The following GNA13 variants were observed in gnomAD, a reference collection of about 807,000 sequenced individuals.
The protein encoded by GNA13 is guanine nucleotide-binding protein subunit alpha-13.
In GNA13, 4 loss-of-function variants were observed where a neutral mutation model predicts 33.5. The observed-to-expected ratio is 0.12, with a 90% CI of 0.06 to 0.27. GNA13 has a LOEUF of 0.27. Ranked by LOEUF, GNA13 falls within the 10% of genes least tolerant of loss-of-function variation. GNA13 has a pLI of 1.00. For missense variants in GNA13, 319 were observed against 487.2 expected, an observed-to-expected ratio of 0.65 and a Z score of 3.25; for synonymous variants, 176 against 183.8, an observed-to-expected ratio of 0.96 and a Z score of 0.34.
chr17:65,024,544 G>A (rs1201761489), intron 2 of GNA13, among the ~76,000 whole-genome samples: 2 of 152,070 alleles, frequency 1.3e-5, no homozygotes, highest in African/African-American at 2.4e-5. Context: ...CCCTTGGCAC[G>A]CAGTGCCTAA....
At chr17:65,016,009 C>T (rs1906356507) in intron 3 of GNA13, among the ~76,000 whole-genome samples, 1 of 152,182 alleles carries the variant, frequency 6.6e-6, no homozygotes, top group African/African-American at 2.4e-5. Context: ...ATGAGCTCTT[C>T]TCTGCACTCT....
chr17:65,029,238 C>G (rs1404247250), intron 2 of GNA13, among the ~76,000 whole-genome samples: 1 of 152,210 alleles, frequency 6.6e-6, no homozygotes, highest in African/African-American at 2.4e-5. Flanking sequence ...CCAACATTAT[C>G]TCCTACTTTT....
chr17:65,044,373 C>T (rs1907577170), intron 2 of GNA13, among the ~76,000 whole-genome samples: 3 of 152,060 alleles, frequency 2.0e-5, no homozygotes, highest in Admixed American at 2.0e-4. Context: ...AAGATAGGTT[C>T]ACAATATAGA....
rs1213293501 is a variant in GNA13 at position 65,010,880 on chromosome 17, G to C, written c.*3377C>G. ...AATGGAGAGAATCTTGTTTCAAATG[G>C]CTTAGTTTGGGGTTTTGTCTAAATG... On this transcript the variant is annotated 3_prime_UTR_variant, in exon 4 of 4. Transcript: ENST00000439174. The C allele has an allele frequency of 4.8e-6, 1 of 206,588 alleles. No individual in the cohort carries two copies. The highest frequency in any genetic ancestry group is 9.9e-6 in the Non-Finnish European group (1 of 101,092). The allele number at this position is 206,588 out of a possible 1,614,324, so 12.8% of individuals were successfully genotyped here.
intron 2 of GNA13, among the ~76,000 whole-genome samples, chr17:65,041,287 A>G (rs2143813528): frequency 6.6e-6 from 1 of 152,276 alleles, no homozygotes; most frequent in South Asian, 2.1e-4. Flanking sequence ...CAAAGAACCC[A>G]ATGACATTGT....
At chr17:65,022,945 T>C (rs1225620287) in intron 2 of GNA13, among the ~76,000 whole-genome samples, 4 of 152,232 alleles carry the variant, frequency 2.6e-5, no homozygotes, top group Admixed American at 1.3e-4. Context: ...TGGCAAATTA[T>C]TTCAGTGGTT....
At chr17:65,037,768 T>C (rs1302994313) in intron 2 of GNA13, among the ~76,000 whole-genome samples, 3 of 648 alleles carry the variant, frequency 4.6e-3, no homozygotes, top group East Asian at 0.071. Flanking sequence ...ACCCAGCCTC[T>C]ACAAAAATGG....
At chr17:65,028,167 A>G (rs967114571) in intron 2 of GNA13, among the ~76,000 whole-genome samples, 6 of 152,236 alleles carry the variant, frequency 3.9e-5, no homozygotes, top group Admixed American at 2.6e-4. Context: ...CGGAGCTTGC[A>G]GTGAGCTGAG....
intron 2 of GNA13, among the ~76,000 whole-genome samples, chr17:65,021,098 G>A (rs1906566145): frequency 6.6e-6 from 1 of 152,174 alleles, no homozygotes; most frequent in Admixed American, 6.5e-5. Flanking sequence ...TAAGGCTGAA[G>A]AGTAAAAGTA....
chr17:65,031,332 T>C (rs1198307267), intron 2 of GNA13, among the ~76,000 whole-genome samples: 1 of 152,242 alleles, frequency 6.6e-6, no homozygotes, highest in Non-Finnish European at 1.5e-5. Flanking sequence ...CCTTATCATC[T>C]TACAGGGCCG....
At chr17:65,031,866 TAGAGAGAGAGAG>T (rs138789425) in intron 2 of GNA13, among the ~76,000 whole-genome samples, 2 of 106,358 alleles carry the variant, frequency 1.9e-5, no homozygotes, top group African/African-American at 8.0e-5. Flanking sequence ...CCGGACAACA[TAGAGAGAGAGAG>T]AGAGAGAGAG....
chr17:65,046,413 C>CGT (rs1450151615), intron 2 of GNA13, among the ~76,000 whole-genome samples: 235 of 152,264 alleles, frequency 1.5e-3, no homozygotes, highest in Non-Finnish European at 2.6e-3. Context: ...CTCTCAACCT[C>CGT]CCAAGTAGGT....
At chr17:65,042,447 A>G (rs1907493182) in intron 2 of GNA13, among the ~76,000 whole-genome samples, 1 of 152,024 alleles carries the variant, frequency 6.6e-6, no homozygotes, top group Non-Finnish European at 1.5e-5. Flanking sequence ...GAACGAATGT[A>G]ACACGGTGGC....
intron 2 of GNA13, among the ~76,000 whole-genome samples, chr17:65,038,608 C>CG (rs997303248): frequency 1.3e-4 from 20 of 151,974 alleles, no homozygotes; most frequent in South Asian, 4.2e-4. Flanking sequence ...GACGGGGTTG[C>CG]GGGGGGGCGT....
chr17:65,045,427 G>A (rs927912039), intron 2 of GNA13, among the ~76,000 whole-genome samples: 1 of 151,332 alleles, frequency 6.6e-6, no homozygotes, highest in Admixed American at 6.6e-5. Flanking sequence ...GGCTGGGTCA[G>A]GGCTTGAACC....
At position 65,009,731 on chromosome 17, in the gene GNA13, G is replaced by A. The variant is rs774250455; in HGVS notation, c.*4526C>T. ...AGAAAAGCCATTTCAAACGTTTTGC[G>A]ATTCTGCCTTCAAGTAAGAGGTAAA... On this transcript the variant is annotated 3_prime_UTR_variant, in exon 4 of 4. Coordinates refer to ENST00000439174, the MANE Select transcript of GNA13 (RefSeq NM_006572.6). Among the ~76,000 whole-genome samples, 1 of 152,162 alleles carries A rather than the reference G, an allele frequency of 6.6e-6. No individual in the cohort carries two copies. Among genetic ancestry groups the A allele is most frequent in the Non-Finnish European group, 1.5e-5 (1 of 68,028 alleles).
chr17:65,043,947 C>A (rs1277856259), intron 2 of GNA13, among the ~76,000 whole-genome samples: 2 of 151,992 alleles, frequency 1.3e-5, no homozygotes, highest in African/African-American at 4.8e-5. Context: ...CACAGTGAGA[C>A]CTCATTTCTG....
intron 2 of GNA13, among the ~76,000 whole-genome samples, chr17:65,034,012 CAAA>C (rs780895691): frequency 4.0e-5 from 2 of 50,076 alleles, no homozygotes; most frequent in African/African-American, 9.5e-5. Context: ...GACTCCGTCT[CAAA>C]AAAAAAAAAA....
At chr17:65,026,496 T>C (rs905189840) in intron 2 of GNA13, among the ~76,000 whole-genome samples, 15 of 152,212 alleles carry the variant, frequency 9.9e-5, no homozygotes, top group Admixed American at 8.5e-4. Flanking sequence ...CAAGTTTATA[T>C]AGGCTGTAAA....
Sources: gnomAD v4.1 joint callset for allele counts (sites outside exome capture counted in the v4.1 genomes callset) on GRCh38, gnomAD v4.1.1 for gene constraint, MANE v1.5 for transcripts, NCBI Gene and HGNC (gene_info 2026-07-23, HGNC 2026-07-21) for gene names.